Variants in UGGT1 observed in about 807,000 individuals in gnomAD.
The protein encoded by UGGT1 is UDP-glucose:glycoprotein glucosyltransferase 1.
A neutral mutation model predicts 203.9 loss-of-function variants in UGGT1; 107 were observed. The observed-to-expected ratio is 0.52, with a 90% CI of 0.45 to 0.62. UGGT1 has a LOEUF of 0.62. Among genes scored for constraint, UGGT1 ranks in the 20% least tolerant of loss-of-function variants. The pLI is 0.00. For synonymous variants in UGGT1, 628 were observed against 653.5 expected (o/e 0.96, Z 0.59); for missense variants, 1,673 against 1,867.2 (o/e 0.90, Z 1.92).
intron 28 of UGGT1, 66 bp downstream of exon 28, chr2:128,171,350 G>A (rs1691093512): frequency 2.1e-6 from 3 of 1,415,680 alleles, no homozygotes; most frequent in Non-Finnish European, 3.0e-6. Flanking sequence ...GATATTGCAT[G>A]TTAGAGGATC....
In UGGT1 at chr2:128,173,768, T is replaced by A. The variant is rs1691233767; in HGVS notation, c.3295-13T>A. The A allele has an allele frequency of 6.2e-7, 1 of 1,612,490 alleles. No homozygotes were observed. The highest frequency in any genetic ancestry group is 1.1e-5 in the South Asian group (1 of 90,866). On this transcript the variant is annotated splice_polypyrimidine_tract_variant and intron_variant, in intron 29 of 40. Transcript: ENST00000259253. ...CTCTGAGTGCATTCAAGTGATTGGA[T>A]TTTGGCTTGCAGGTGGACAGTGTAG...
At chr2:128,115,871 A>T (rs946769894) in intron 7 of UGGT1, among the ~76,000 whole-genome samples, 1 of 152,172 alleles carries the variant, frequency 6.6e-6, no homozygotes, top group Admixed American at 6.5e-5. Context: ...TTCTTCAATA[A>T]TTGTATTAGG....
At chr2:128,145,732 A>C (rs1389870693) in intron 17 of UGGT1, 71 bp from the exon 18 acceptor site, 1 of 1,365,808 alleles carries the variant, frequency 7.3e-7, no homozygotes, top group Non-Finnish European at 9.7e-7. Flanking sequence ...GCATGTAAGA[A>C]AAATATGCTG....
chr2:128,104,914 T>C (rs1687532897), intron 3 of UGGT1, among the ~76,000 whole-genome samples: 1 of 152,202 alleles, frequency 6.6e-6, no homozygotes, highest in East Asian at 1.9e-4. Context: ...CCCAAAGTGC[T>C]GGGATTACAG....
intron 3 of UGGT1, among the ~76,000 whole-genome samples, chr2:128,105,280 T>G (rs187325914): frequency 6.3e-4 from 95 of 151,252 alleles, no homozygotes; most frequent in South Asian, 1.2e-3. Context: ...ATTTCACTTT[T>G]TTCACTCTGT....
intron 22 of UGGT1, 60 bp downstream of exon 22, chr2:128,157,406 T>A (rs1029269320): frequency 7.1e-7 from 1 of 1,401,260 alleles, no homozygotes; most frequent in Non-Finnish European, 1.0e-6. Flanking sequence ...CTTCATGGGC[T>A]TCGCTGTGCG....
chr2:128,187,565 A>G lies in UGGT1; in HGVS notation c.4593A>G (p.Lys1531=), dbSNP rs1454212570. 4 of 1,614,034 alleles carry G rather than the reference A, an allele frequency of 2.5e-6. No individual in the cohort carries two copies. The highest frequency in any genetic ancestry group is 1.1e-5 in the South Asian group (1 of 91,072). The change falls in exon 40 of 41, where the codon AAA becomes AAG. Residue 1531 remains lysine (K), a synonymous_variant. Coordinates refer to ENST00000259253, the MANE Select transcript of UGGT1 (RefSeq NM_020120.4). ...TACAGATCCGCTTTCAGAAGGAGAA[A>G]GAAACGGGAGCACTGTACAAAGAGA... ...KQLQIRFQKE[K]ETGALYKEKT... is the part of the protein sequence containing the mutation.
chr2:128,144,746 C>T (rs1322777044), intron 17 of UGGT1, among the ~76,000 whole-genome samples: 2 of 152,156 alleles, frequency 1.3e-5, no homozygotes, highest in East Asian at 3.8e-4. Flanking sequence ...TTGAGCTTGT[C>T]TGATTAGAAA....
chr2:128,159,469 C>A (rs1365680590), intron 22 of UGGT1, 45 bp from the exon 23 acceptor site: 6 of 1,567,118 alleles, frequency 3.8e-6, no homozygotes, highest in South Asian at 1.1e-5. Flanking sequence ...TTTTTAAGTT[C>A]AAAAATATCT....
At chr2:128,107,073 TC>T (rs1166506759) in intron 3 of UGGT1, among the ~76,000 whole-genome samples, 1 of 152,230 alleles carries the variant, frequency 6.6e-6, no homozygotes, top group African/African-American at 2.4e-5. Context: ...AAATCTTGTT[TC>T]TTCCTTGACC....
At position 128,143,123 on chromosome 2, in the gene UGGT1, A is replaced by G. The variant is rs1427665541; in HGVS notation, c.1749A>G (p.Lys583=). The part of the protein sequence containing the change: ...HIYNKVRTGE[K]VKVEHVVSVL... Reference sequence around the variant, plus strand: ...ATAACAAGGTGAGGACTGGAGAAAAAGTGAAAGTTGAACATGTGGTCAGTG... The same window carrying G: ...ATAACAAGGTGAGGACTGGAGAAAAGGTGAAAGTTGAACATGTGGTCAGTG... The change falls in exon 17 of 41, where the codon AAA becomes AAG. Residue 583 remains lysine (K), a synonymous_variant. Transcript: ENST00000259253. 2 of 1,612,788 alleles carry G rather than the reference A, an allele frequency of 1.2e-6. No individual in the cohort carries two copies. The highest frequency in any genetic ancestry group is 1.7e-6 in the Non-Finnish European group (2 of 1,179,480).
At position 128,156,484 on chromosome 2, in the gene UGGT1, A is replaced by G; in HGVS notation, c.2260+69A>G. On this transcript the variant is annotated intron_variant, in intron 21 of 40. Coordinates refer to ENST00000259253, the MANE Select transcript of UGGT1 (RefSeq NM_020120.4). Reference sequence around the variant, plus strand: ...TTGGTTTCAGTGACCATTGTAATTTAGAATTTATCAACACTTAATTGTACT... The same window carrying G: ...TTGGTTTCAGTGACCATTGTAATTTGGAATTTATCAACACTTAATTGTACT... 2.4e-6 allele frequency: 3 copies of G among 1,239,720 alleles called. 1 individual carries two copies. The highest frequency in any genetic ancestry group is 3.5e-6 in the Non-Finnish European group (3 of 852,490). The allele number at this position is 1,239,720 out of a possible 1,614,324, so 76.8% of individuals were successfully genotyped here. A position where few individuals can be genotyped will look rare whatever the true frequency, so the allele number is the denominator to read the frequency against.
At chr2:128,098,983 G>C (rs1264210217) in intron 2 of UGGT1, among the ~76,000 whole-genome samples, 1 of 152,148 alleles carries the variant, frequency 6.6e-6, no homozygotes, top group African/African-American at 2.4e-5. Context: ...AAGTGATGTA[G>C]AGGTGGAACT....
At chr2:128,150,905 C>A (rs1689930674) in intron 18 of UGGT1, among the ~76,000 whole-genome samples, 1 of 151,936 alleles carries the variant, frequency 6.6e-6, no homozygotes. Context: ...GGCTAGAGTT[C>A]AGTGGTGTGA....
rs73955974 is a variant in UGGT1, at chr2:128,173,902, A to C, written c.3416A>C (p.Asn1139Thr). The C allele has an allele frequency of 1.9e-6, 3 of 1,613,922 alleles. No individual in the cohort carries two copies. In the African/African-American group the frequency reaches 4.0e-5, roughly 22 times the overall value. Residue 1139 changes from asparagine to threonine, a missense_variant, in exon 30 of 41, where the codon AAC becomes ACC. Around this residue, in one of 4 missense-constraint regions of UGGT1, gnomAD observed 513 missense variants for 684.1 expected, o/e 0.75. Coordinates refer to ENST00000259253, the MANE Select transcript of UGGT1 (RefSeq NM_020120.4). ...CAGTTTACCTTAGGAACTTCAGCCA[A>C]CCCGGTCATTGTGGACACCATTGTT... ...GLQFTLGTSA[N>T]PVIVDTIVMA... is the part of the protein sequence containing the mutation.
chr2:128,172,165 T>C (rs1015259485), intron 28 of UGGT1, among the ~76,000 whole-genome samples: 11 of 152,168 alleles, frequency 7.2e-5, no homozygotes, highest in Non-Finnish European at 1.3e-4. Flanking sequence ...TGAGTCCTCC[T>C]TGAAGGGAGG....
Position 128,136,946 on chromosome 2 carries a change from G to A in UGGT1, c.1584-1771G>A, listed in dbSNP as rs536379596. Among the ~76,000 whole-genome samples the A allele has an allele frequency of 1.5e-4, 23 of 152,214 alleles. No homozygotes were observed. In the South Asian group the frequency reaches 3.7e-3, roughly 25 times the overall value. On this transcript the variant is annotated intron_variant, in intron 15 of 40. Coordinates refer to ENST00000259253, the MANE Select transcript of UGGT1 (RefSeq NM_020120.4). Reference sequence around the variant, plus strand: ...GTATGTCATTGTTGTTTAATTTGCCGTTCCCTAATGACATATGATGTTCAG... The same window carrying A: ...GTATGTCATTGTTGTTTAATTTGCCATTCCCTAATGACATATGATGTTCAG...
At chr2:128,174,012 ATT>A (rs2104791934) in intron 30 of UGGT1, 73 bp downstream of exon 30, 1 of 1,534,270 alleles carries the variant, frequency 6.5e-7, no homozygotes, top group Admixed American at 1.8e-5. Flanking sequence ...TGATGGAGCA[ATT>A]AGCATTCTTA....
At position 128,113,208 on chromosome 2, in the gene UGGT1, T is replaced by C; in HGVS notation, c.646T>C (p.Ser216Pro). The change falls in exon 6 of 41, where the codon TCA becomes CCA. Residue 216 changes from serine (S) to proline (P), a missense_variant. Ser to Pro is a moderately conservative substitution (Grantham distance 74). Coordinates refer to ENST00000259253, the MANE Select transcript of UGGT1 (RefSeq NM_020120.4). The stretch of plus-strand genomic sequence containing the variant: ...TTCCAATTTTCACCGCCAGCTTATA[T>C]CAAAAAGCAATGCAGGCAAAATCAA... ...EFSNFHRQLISKSNAGKINYV... is the reference protein window; with the variant it reads ...EFSNFHRQLIPKSNAGKINYV... 1 of 1,613,018 alleles carries C rather than the reference T, an allele frequency of 6.2e-7. No homozygotes were observed. Among genetic ancestry groups the C allele is most frequent in the Non-Finnish European group, 8.5e-7 (1 of 1,179,534 alleles).
Sources: allele counts gnomAD v4.1 joint callset (sites outside exome capture counted in the v4.1 genomes callset), GRCh38; gene constraint gnomAD v4.1.1; regional missense constraint gnomAD v4.1.1; transcripts MANE v1.5; gene names NCBI Gene and HGNC (gene_info 2026-07-23, HGNC 2026-07-21).